Variants in OPCML observed in about 807,000 individuals in gnomAD.
OPCML encodes opioid binding protein/cell adhesion molecule like, also known as opioid-binding protein/cell adhesion molecule.
OPCML carries 13 observed loss-of-function variants against 37.8 expected under a neutral mutation model. The ratio of observed to expected loss-of-function variants is 0.34; its 90% CI spans 0.22 to 0.55. The LOEUF is 0.55. OPCML is among the 20% of genes least tolerant of loss of function. OPCML has a pLI of 0.91. For missense variants in OPCML, 341 were observed against 435.6 expected, an observed-to-expected ratio of 0.78 and a Z score of 1.93; for synonymous variants, 176 against 168.8, an observed-to-expected ratio of 1.04 and a Z score of -0.33.
intron 1 of OPCML, among the ~76,000 whole-genome samples, chr11:133,028,015 A>T (rs1420525589): frequency 6.6e-6 from 1 of 152,006 alleles, no homozygotes; most frequent in African/African-American, 2.4e-5. Flanking sequence ...CTTTCTAGTT[A>T]TATGGTGGTT....
Position 132,629,016 on chromosome 11 carries a change from T to C in OPCML, c.379+28071A>G, listed in dbSNP as rs115965343. 2.2e-3 allele frequency among the ~76,000 whole-genome samples: 339 copies of C among 152,254 alleles called. 4 individuals are homozygous for C. The highest frequency in any genetic ancestry group is 7.9e-3 in the African/African-American group (327 of 41,550). On this transcript the variant is annotated intron_variant, in intron 3 of 7. Coordinates refer to ENST00000524381, the MANE Select transcript of OPCML (RefSeq NM_001012393.5). ...TATTAGCAGGATGAGAATGGATTACTACACACCTTCACTTTCACCCCAGAG... is the reference window on the plus strand; with the variant it reads ...TATTAGCAGGATGAGAATGGATTACCACACACCTTCACTTTCACCCCAGAG...
intron 1 of OPCML, among the ~76,000 whole-genome samples, chr11:133,092,911 T>C (rs1228067646): frequency 6.6e-6 from 1 of 152,140 alleles, no homozygotes; most frequent in Admixed American, 6.5e-5. Context: ...CAGTTATCCC[T>C]GAGACCCAGC....
intron 1 of OPCML, chr11:133,297,951 ACT>A (rs1942671124): frequency 6.6e-6 from 1 of 152,064 alleles, no homozygotes; most frequent in South Asian, 2.1e-4. Flanking sequence ...AGGTATTACT[ACT>A]GTTCCCTCCT....
intron 1 of OPCML, among the ~76,000 whole-genome samples, chr11:133,320,961 A>T (rs1489422372): frequency 6.6e-6 from 1 of 152,158 alleles, no homozygotes; most frequent in Non-Finnish European, 1.5e-5. Flanking sequence ...AAGGCAGAAA[A>T]CAGAGAGCCA....
chr11:133,456,746 T>G (rs925645139), intron 1 of OPCML, among the ~76,000 whole-genome samples: 1 of 140,412 alleles, frequency 7.1e-6, no homozygotes, highest in Admixed American at 7.1e-5. Flanking sequence ...AACAAACAAA[T>G]AGAAATTCTG....
rs1319926079 is a variant in OPCML, at chr11:133,374,708, C to G, written c.61+157556G>C. ...AATGCATCTTTCCTAAGGCACAGTT[C>G]CAATCAAAAGTTTTTATTTGCTCAT... On this transcript the variant is annotated intron_variant, in intron 1 of 7. Transcript: ENST00000524381. Among the ~76,000 whole-genome samples the G allele has an allele frequency of 2.0e-5, 3 of 152,140 alleles. No homozygotes were observed. In the East Asian group the frequency reaches 5.8e-4, roughly 29 times the overall value.
chr11:133,060,858 A>G (rs959933490), intron 1 of OPCML, among the ~76,000 whole-genome samples: 2 of 152,252 alleles, frequency 1.3e-5, no homozygotes, highest in South Asian at 4.1e-4. Context: ...GGCATCAGCC[A>G]GTGGGCCCAT....
chr11:132,768,718 G>A (rs1946539555), intron 2 of OPCML, among the ~76,000 whole-genome samples: 4 of 152,062 alleles, frequency 2.6e-5, no homozygotes, highest in Admixed American at 2.0e-4. Flanking sequence ...ACTCATTGCT[G>A]CTTGAATAAA....
At chr11:133,425,205 A>T (rs1433466152) in intron 1 of OPCML, among the ~76,000 whole-genome samples, 1 of 152,126 alleles carries the variant, frequency 6.6e-6, no homozygotes, top group Non-Finnish European at 1.5e-5. Flanking sequence ...TCCCAGTCAG[A>T]CCTCCTCATA....
chr11:132,810,348 G>A (rs528081340), intron 2 of OPCML, among the ~76,000 whole-genome samples: 1 of 152,290 alleles, frequency 6.6e-6, no homozygotes, highest in East Asian at 1.9e-4. Flanking sequence ...GATACAGGTG[G>A]AAAGAAAAGA....
At chr11:132,425,423 C>T (rs184316536) in intron 7 of OPCML, among the ~76,000 whole-genome samples, 4 of 152,110 alleles carry the variant, frequency 2.6e-5, no homozygotes, top group African/African-American at 9.7e-5. Context: ...GCTCTGCTAT[C>T]CAATAGCAGG....
At chr11:132,897,236 C>T (rs551827576) in intron 2 of OPCML, among the ~76,000 whole-genome samples, 93 of 152,310 alleles carry the variant, frequency 6.1e-4, no homozygotes, top group Middle Eastern at 3.4e-3. Context: ...TGGAGCAAGG[C>T]TCTGCCATCA....
chr11:132,754,435 G>T lies in OPCML; in HGVS notation c.147-97116C>A, dbSNP rs1021564314. 3.9e-5 allele frequency among the ~76,000 whole-genome samples: 6 copies of T among 152,266 alleles called. No individual in the cohort carries two copies. In the South Asian group the frequency reaches 1.0e-3, roughly 26 times the overall value. The stretch of plus-strand genomic sequence containing the variant: ...TCTTTGCTTGCTGCCATCTATGTAA[G>T]ATGTGACTTGCTCTTACTTACCTTC... On this transcript the variant is annotated intron_variant, in intron 2 of 7. Transcript: ENST00000524381.
intron 4 of OPCML, among the ~76,000 whole-genome samples, chr11:132,464,336 T>C (rs2096112861): frequency 1.3e-5 from 2 of 152,204 alleles, no homozygotes; most frequent in Non-Finnish European, 2.9e-5. Flanking sequence ...TCAGGGGACT[T>C]CACACCACGT....
intron 2 of OPCML, among the ~76,000 whole-genome samples, chr11:132,903,982 A>G (rs1172559124): frequency 6.6e-6 from 1 of 152,222 alleles, no homozygotes; most frequent in African/African-American, 2.4e-5. Context: ...GGCTTCAAGG[A>G]AACATATTAT....
At position 132,455,156 on chromosome 11, in the gene OPCML, G is replaced by T. The variant is rs189802595; in HGVS notation, c.506-17797C>A. Among the ~76,000 whole-genome samples the T allele has an allele frequency of 2.6e-5, 4 of 152,274 alleles. No homozygotes were observed. In the East Asian group the frequency reaches 5.8e-4, roughly 22 times the overall value. Reference sequence around the variant, plus strand: ...TTGCAAAAAGTTTCACAGAGTTTGCGCATCTCATTTCTGTTTAATTGTACA... The same window carrying T: ...TTGCAAAAAGTTTCACAGAGTTTGCTCATCTCATTTCTGTTTAATTGTACA... On this transcript the variant is annotated intron_variant, in intron 4 of 7. Transcript: ENST00000524381.
intron 1 of OPCML, chr11:133,421,111 C>T (rs1945876990): frequency 2.0e-6 from 2 of 985,166 alleles, no homozygotes; most frequent in Admixed American, 6.2e-5. Flanking sequence ...GGCAGTGTTA[C>T]CAAATGTTCT....
chr11:132,973,191 A>AGGTTTT (rs1946380956), intron 1 of OPCML, among the ~76,000 whole-genome samples: 1 of 152,194 alleles, frequency 6.6e-6, no homozygotes, highest in East Asian at 1.9e-4. Flanking sequence ...ATTTTAAGAC[A>AGGTTTT]AATGTCCTCC....
chr11:133,330,327 T>C (rs919266981), intron 1 of OPCML, among the ~76,000 whole-genome samples: 1 of 152,170 alleles, frequency 6.6e-6, no homozygotes, highest in Non-Finnish European at 1.5e-5. Flanking sequence ...CCAGCCATCC[T>C]ATTACTGGGT....
Sources: allele counts gnomAD v4.1 joint callset (sites outside exome capture counted in the v4.1 genomes callset), GRCh38; gene constraint gnomAD v4.1.1; transcripts MANE v1.5; gene names NCBI Gene and HGNC (gene_info 2026-07-23, HGNC 2026-07-21).